ELOVL6: variants seen among roughly 807,000 people sequenced by gnomAD.
The protein encoded by ELOVL6 is very long chain fatty acid elongase 6.
In ELOVL6, 8 loss-of-function variants were observed where a neutral mutation model predicts 31.7. The ratio of observed to expected loss-of-function variants is 0.25; its 90% CI spans 0.15 to 0.45. ELOVL6 has a LOEUF of 0.45. Ranked by LOEUF, ELOVL6 falls within the 20% of genes least tolerant of loss-of-function variation. ELOVL6 has a pLI of 1.00. For missense variants in ELOVL6, 126 were observed against 326.4 expected (o/e 0.39, Z 4.73); for synonymous variants, 101 against 117.7 (o/e 0.86, Z 0.92).
intron 1 of ELOVL6, among the ~76,000 whole-genome samples, chr4:110,158,657 A>ATATATAT: frequency 6.7e-5 from 5 of 74,156 alleles, no homozygotes; most frequent in African/African-American, 3.3e-4. Context: ...ATATATATAT[A>ATATATAT]TTTTTTTTTT....
At chr4:110,090,098 CA>C (rs1756376908) in intron 2 of ELOVL6, among the ~76,000 whole-genome samples, 1 of 152,148 alleles carries the variant, frequency 6.6e-6, no homozygotes, top group Non-Finnish European at 1.5e-5. Flanking sequence ...TTAGATAAGA[CA>C]ATATATTAAG....
intron 1 of ELOVL6, among the ~76,000 whole-genome samples, chr4:110,193,449 A>G (rs1759683738): frequency 6.6e-6 from 1 of 152,132 alleles, no homozygotes; most frequent in Non-Finnish European, 1.5e-5. Flanking sequence ...TACTAAAAAT[A>G]CAAAAATTAG....
At chr4:110,181,299 T>G (rs978125622) in intron 1 of ELOVL6, among the ~76,000 whole-genome samples, 1 of 151,592 alleles carries the variant, frequency 6.6e-6, no homozygotes, top group Non-Finnish European at 1.5e-5. Context: ...ATACAAAAAA[T>G]TAGCTAAGTG....
intron 1 of ELOVL6, among the ~76,000 whole-genome samples, chr4:110,159,235 C>A (rs1313145511): frequency 6.6e-6 from 1 of 152,000 alleles, no homozygotes; most frequent in Non-Finnish European, 1.5e-5. Flanking sequence ...TATGGAGTGC[C>A]TTCCATGTGC....
chr4:110,140,538 C>T lies in ELOVL6; in HGVS notation c.90-34910G>A, dbSNP rs142789200. On this transcript the variant is annotated intron_variant, in intron 1 of 3. Transcript: ENST00000302274. ...CCTCCTGAGTAGCTGGGACTACAAGCGTCATGCCACCATGCTTCTTTTTAA... is the reference window on the plus strand; with the variant it reads ...CCTCCTGAGTAGCTGGGACTACAAGTGTCATGCCACCATGCTTCTTTTTAA... Among the ~76,000 whole-genome samples the T allele has an allele frequency of 1.8e-4, 27 of 152,116 alleles. No homozygotes were observed. The East Asian group carries it at 4.1e-3, about 23-fold the overall frequency.
At chr4:110,097,581 C>T (rs1221452363) in intron 2 of ELOVL6, among the ~76,000 whole-genome samples, 1 of 152,034 alleles carries the variant, frequency 6.6e-6, no homozygotes, top group African/African-American at 2.4e-5. Context: ...CAGAGGGAAA[C>T]AAAATATGTT....
At chr4:110,182,006 G>A (rs1335469740) in intron 1 of ELOVL6, among the ~76,000 whole-genome samples, 3 of 152,190 alleles carry the variant, frequency 2.0e-5, no homozygotes, top group Admixed American at 6.5e-5. Flanking sequence ...CCAGGTACGT[G>A]TGCAGCATCT....
rs1553956196 is a variant in ELOVL6 at position 110,084,448 on chromosome 4, G to GATATATCATATATGATATATCA, written c.221+21048_221+21049insTGATATATCATATATGATATAT. 5.6e-3 allele frequency among the ~76,000 whole-genome samples: 180 copies of GATATATCATATATGATATATCA among 32,062 alleles called. 19 individuals are homozygous for GATATATCATATATGATATATCA. Among genetic ancestry groups the GATATATCATATATGATATATCA allele is most frequent in the African/African-American group, 0.04 (166 of 4,122 alleles). 21.0% of individuals were successfully genotyped at this position (32,062 alleles called of 152,430 possible). A position where few individuals can be genotyped will look rare whatever the true frequency, so the allele number is the denominator to read the frequency against. On this transcript the variant is annotated intron_variant, in intron 2 of 3. Transcript: ENST00000302274. ...TCACATATATCATATATGATATATC[G>GATATATCATATATGATATATCA]CATATATCATATATGATATATAACA...
At chr4:110,132,877 G>C (rs1307439542) in intron 1 of ELOVL6, among the ~76,000 whole-genome samples, 1 of 151,760 alleles carries the variant, frequency 6.6e-6, no homozygotes, top group Non-Finnish European at 1.5e-5. Context: ...TTTACTAGTA[G>C]AGATAGTTAA....
chr4:110,081,272 C>A (rs1755838268), intron 2 of ELOVL6, among the ~76,000 whole-genome samples: 1 of 152,162 alleles, frequency 6.6e-6, no homozygotes, highest in East Asian at 1.9e-4. Context: ...CAAAAAAGAG[C>A]CTGCATTGCC....
At position 110,050,852 on chromosome 4, in the gene ELOVL6, C is replaced by T. The variant is rs2126218410; in HGVS notation, c.*486G>A. On this transcript the variant is annotated 3_prime_UTR_variant, in exon 4 of 4. Coordinates refer to ENST00000302274, the MANE Select transcript of ELOVL6 (RefSeq NM_024090.3). ...AAGCATTATCGTTCTAGATATACAC[C>T]CTGTGTCTCTTTCATTTTTGTCTTT... is the stretch of plus-strand genomic sequence containing the variant. 1 of 160,986 alleles carries T rather than the reference C, an allele frequency of 6.2e-6. No homozygotes were observed. The allele number at this position is 160,986 out of a possible 1,614,324, so 10.0% of individuals were successfully genotyped here.
chr4:110,072,799 T>G (rs1426315988), intron 2 of ELOVL6, among the ~76,000 whole-genome samples: 1 of 152,136 alleles, frequency 6.6e-6, no homozygotes, highest in Non-Finnish European at 1.5e-5. Flanking sequence ...GGTCCTCTCA[T>G]CTCCATTTCA....
intron 2 of ELOVL6, among the ~76,000 whole-genome samples, chr4:110,092,313 C>G (rs1206458086): frequency 2.0e-5 from 3 of 152,140 alleles, no homozygotes; most frequent in Admixed American, 6.5e-5. Context: ...TGACAGCTTT[C>G]AGGAAAGAAC....
intron 2 of ELOVL6, chr4:110,093,175 C>T (rs1278717660): frequency 2.3e-6 from 1 of 434,362 alleles, no homozygotes; most frequent in Admixed American, 2.7e-5. Context: ...TTTTTGTCCA[C>T]ACTCAAATGT....
At chr4:110,084,584 A>AT (rs1756181593) in intron 2 of ELOVL6, among the ~76,000 whole-genome samples, 28 of 54,880 alleles carry the variant, frequency 5.1e-4, no homozygotes, top group African/African-American at 3.2e-3. Flanking sequence ...ATATATATAT[A>AT]TATATTTTTT....
At position 110,050,073 on chromosome 4, in the gene ELOVL6, C is replaced by T. The variant is rs1754797895; in HGVS notation, c.*1265G>A. Reference sequence around the variant, plus strand: ...TAAGTGTATGGGGGCCCTTTGTTGTCAACTGTTTTCAGCCAAACTTGCCTT... The same window carrying T: ...TAAGTGTATGGGGGCCCTTTGTTGTTAACTGTTTTCAGCCAAACTTGCCTT... On this transcript the variant is annotated 3_prime_UTR_variant, in exon 4 of 4. Coordinates refer to ENST00000302274, the MANE Select transcript of ELOVL6 (RefSeq NM_024090.3). 1 of 152,434 alleles carries T rather than the reference C, an allele frequency of 6.6e-6. No homozygotes were observed. The highest frequency in any genetic ancestry group is 6.6e-5 in the Admixed American group (1 of 15,266). 9.4% of individuals were successfully genotyped at this position (152,434 alleles called of 1,614,324 possible). A position where few individuals can be genotyped will look rare whatever the true frequency, so the allele number is the denominator to read the frequency against.
At chr4:110,073,019 C>T (rs1755534668) in intron 2 of ELOVL6, among the ~76,000 whole-genome samples, 1 of 152,150 alleles carries the variant, frequency 6.6e-6, no homozygotes, top group South Asian at 2.1e-4. Flanking sequence ...GAAAAATTAA[C>T]TCTGTGGTTT....
At chr4:110,087,818 A>AAAAC (rs377416459) in intron 2 of ELOVL6, among the ~76,000 whole-genome samples, 9 of 148,614 alleles carry the variant, frequency 6.1e-5, no homozygotes, top group Non-Finnish European at 8.9e-5. Context: ...AAAAAAAAAA[A>AAAAC]CCTCCTATTT....
intron 1 of ELOVL6, chr4:110,146,538 C>T (rs953918626): frequency 2.0e-5 from 3 of 152,658 alleles, no homozygotes; most frequent in African/African-American, 7.2e-5. Flanking sequence ...TAAGCTACAC[C>T]TAGTGGAATG....
Sources: allele counts gnomAD v4.1 joint callset (sites outside exome capture counted in the v4.1 genomes callset), GRCh38; gene constraint gnomAD v4.1.1; transcripts MANE v1.5; gene names NCBI Gene and HGNC (gene_info 2026-07-23, HGNC 2026-07-21).